HTR2A: variants seen among roughly 807,000 people sequenced by gnomAD.
The protein encoded by HTR2A is 5-HT2 receptor.
In HTR2A, 14 loss-of-function variants were observed where a neutral mutation model predicts 31.0. That is an observed-to-expected ratio of 0.45 (90% CI 0.30 to 0.71). The LOEUF is 0.71. Ranked by LOEUF, HTR2A falls within the 30% of genes least tolerant of loss-of-function variation. HTR2A has a pLI of 0.09. For synonymous variants in HTR2A, 209 were observed against 225.2 expected (o/e 0.93, Z 0.64); for missense variants, 442 against 573.3 (o/e 0.77, Z 2.34).
chr13:46,840,908 A>G (rs553605736), intron 3 of HTR2A, among the ~76,000 whole-genome samples: 60 of 152,280 alleles, frequency 3.9e-4, no homozygotes, highest in Middle Eastern at 3.4e-3. Context: ...GTCTCCACCC[A>G]AATCTCATCT....
At chr13:46,882,007 T>C (rs1472265253) in intron 3 of HTR2A, among the ~76,000 whole-genome samples, 1 of 152,188 alleles carries the variant, frequency 6.6e-6, no homozygotes, top group Admixed American at 6.5e-5. Flanking sequence ...TTTTATGTAG[T>C]TACATTTGCT....
chr13:46,853,075 TGTCA>T (rs1211748422), intron 3 of HTR2A, among the ~76,000 whole-genome samples: 1 of 152,202 alleles, frequency 6.6e-6, no homozygotes, highest in Non-Finnish European at 1.5e-5. Flanking sequence ...GTCTGCTTGT[TGTCA>T]GTATCTTATA....
intron 3 of HTR2A, among the ~76,000 whole-genome samples, chr13:46,838,656 C>G (rs1950576688): frequency 6.6e-6 from 1 of 152,052 alleles, no homozygotes; most frequent in Middle Eastern, 3.2e-3. Context: ...GACGCCGGGT[C>G]TTAATCAATT....
intron 3 of HTR2A, among the ~76,000 whole-genome samples, chr13:46,869,905 G>T (rs1187944705): frequency 6.6e-6 from 1 of 152,122 alleles, no homozygotes; most frequent in Non-Finnish European, 1.5e-5. Flanking sequence ...GGGTTGGAAG[G>T]AGTGGGGAGT....
chr13:46,881,082 G>A (rs1212174642), intron 3 of HTR2A, among the ~76,000 whole-genome samples: 1 of 152,170 alleles, frequency 6.6e-6, no homozygotes, highest in Non-Finnish European at 1.5e-5. Flanking sequence ...TTAATGTCCC[G>A]AAGGACAACC....
intron 3 of HTR2A, among the ~76,000 whole-genome samples, chr13:46,883,349 A>C (rs955913252): frequency 1.3e-5 from 2 of 152,158 alleles, no homozygotes; most frequent in African/African-American, 4.8e-5. Context: ...CTCCCATTAC[A>C]AAAGTAATAA....
Position 46,837,470 on chromosome 13 carries a change from A to G in HTR2A, c.614-1831T>C, listed in dbSNP as rs527909501. The stretch of plus-strand genomic sequence containing the variant: ...GGACAGCCTGGGAGAAAAAGTCAGA[A>G]AAATAGTTCCCTTCTAACTCCTGCC... On this transcript the variant is annotated intron_variant, in intron 3 of 3. Coordinates refer to ENST00000542664, the MANE Select transcript of HTR2A (RefSeq NM_000621.5). Among the ~76,000 whole-genome samples, 3 of 152,300 alleles carry G rather than the reference A, an allele frequency of 2.0e-5. No homozygotes were observed. In the East Asian group the frequency reaches 5.8e-4, roughly 29 times the overall value.
At chr13:46,871,601 C>T (rs1308904139) in intron 3 of HTR2A, among the ~76,000 whole-genome samples, 1 of 152,292 alleles carries the variant, frequency 6.6e-6, no homozygotes, top group African/African-American at 2.4e-5. Context: ...CAAGAACCAA[C>T]CCAATTTCAA....
chr13:46,876,237 G>A (rs779384803), intron 3 of HTR2A, among the ~76,000 whole-genome samples: 20 of 151,758 alleles, frequency 1.3e-4, no homozygotes, highest in Non-Finnish European at 2.4e-4. Context: ...TTCAACTCAA[G>A]CATCTCCCTC....
chr13:46,893,275 C>A (rs1289211779), intron 2 of HTR2A, among the ~76,000 whole-genome samples: 2 of 152,212 alleles, frequency 1.3e-5, no homozygotes, highest in Non-Finnish European at 2.9e-5. Context: ...ATTTCTCAAA[C>A]TTTAGTGAGC....
rs1951107849 is a variant in HTR2A at position 46,896,695 on chromosome 13, A to G, written c.-350T>C. ...TTACATTTGTCTTCAGGGTCCACAC[A>G]TGAGATACATTTGTTATTCTGTGAC... On this transcript the variant is annotated 5_prime_UTR_variant, in exon 1 of 4. An upstream start codon of the reference 5' UTR is lost. Coordinates refer to ENST00000542664, the MANE Select transcript of HTR2A (RefSeq NM_000621.5). 6.5e-7 allele frequency: 1 copy of G among 1,534,826 alleles called. No homozygotes were observed. Among genetic ancestry groups the G allele is most frequent in the Non-Finnish European group, 8.7e-7 (1 of 1,145,434 alleles).
intron 3 of HTR2A, among the ~76,000 whole-genome samples, chr13:46,866,334 C>T (rs550018005): frequency 4.6e-5 from 7 of 152,204 alleles, no homozygotes; most frequent in African/African-American, 1.7e-4. Flanking sequence ...TGGTTCCTCC[C>T]TTCTCTGCCT....
chr13:46,831,875 AATCT>A lies in HTR2A; in HGVS notation c.*2958_*2961del, dbSNP rs1876258746. 6.6e-6 allele frequency: 1 copy of A among 152,192 alleles called. No individual in the cohort carries two copies. The highest frequency in any genetic ancestry group is 2.4e-5 in the African/African-American group (1 of 41,452). 9.4% of individuals were successfully genotyped at this position (152,192 alleles called of 1,614,324 possible). A position where few individuals can be genotyped will look rare whatever the true frequency, so the allele number is the denominator to read the frequency against. On this transcript the variant is annotated 3_prime_UTR_variant, in exon 4 of 4. Coordinates refer to ENST00000542664, the MANE Select transcript of HTR2A (RefSeq NM_000621.5). ...AATTGCTTTTTTTTGAATATAGAGG[AATCT>A]ATCATTCAACTTAAAGTAGAGCAAG...
At chr13:46,860,472 G>A (rs1254965466) in intron 3 of HTR2A, among the ~76,000 whole-genome samples, 1 of 152,164 alleles carries the variant, frequency 6.6e-6, no homozygotes, top group African/African-American at 2.4e-5. Context: ...AGGGAGGATT[G>A]CAGAACAATC....
At chr13:46,845,971 C>A (rs1950639776) in intron 3 of HTR2A, among the ~76,000 whole-genome samples, 1 of 152,122 alleles carries the variant, frequency 6.6e-6, no homozygotes, top group South Asian at 2.1e-4. Context: ...ACACAACTAC[C>A]ATTGTTATAA....
intron 3 of HTR2A, among the ~76,000 whole-genome samples, chr13:46,868,691 C>A (rs1347811422): frequency 6.6e-6 from 1 of 152,066 alleles, no homozygotes; most frequent in Non-Finnish European, 1.5e-5. Context: ...TGTCCTTGGG[C>A]AATTCCCAAA....
intron 3 of HTR2A, among the ~76,000 whole-genome samples, chr13:46,891,818 A>G (rs1951055158): frequency 6.6e-6 from 1 of 152,226 alleles, no homozygotes; most frequent in Non-Finnish European, 1.5e-5. Flanking sequence ...TATGTAATCA[A>G]CCTAACAGAA....
At chr13:46,841,065 C>T (rs542296504) in intron 3 of HTR2A, among the ~76,000 whole-genome samples, 38 of 152,116 alleles carry the variant, frequency 2.5e-4, no homozygotes, top group Non-Finnish European at 5.1e-4. Context: ...ACAGTTCCTC[C>T]TTCCCACGCT....
intron 3 of HTR2A, among the ~76,000 whole-genome samples, chr13:46,863,630 G>GAAAAAAAAAACAAAAAA (rs1950796889): frequency 1.7e-5 from 1 of 59,254 alleles, no homozygotes; most frequent in Non-Finnish European, 2.9e-5. Flanking sequence ...CCCTCAAAAT[G>GAAAAAAAAAACAAAAAA]AAAAAAAAAA....
Sources: gnomAD v4.1 joint callset for allele counts (sites outside exome capture counted in the v4.1 genomes callset) on GRCh38, gnomAD v4.1.1 for gene constraint, MANE v1.5 for transcripts, NCBI Gene and HGNC (gene_info 2026-07-23, HGNC 2026-07-21) for gene names.